Variants in EFCAB6 observed in about 807,000 individuals in gnomAD.
The protein encoded by EFCAB6 is EF-hand calcium-binding domain-containing protein 6.
A neutral mutation model predicts 169.8 loss-of-function variants in EFCAB6; 156 were observed. That is an observed-to-expected ratio of 0.92 (90% CI 0.81 to 1.05). The LOEUF (loss-of-function observed/expected upper bound fraction) is 1.05. Ranked by LOEUF, EFCAB6 falls within the 50% of genes least tolerant of loss-of-function variation. EFCAB6 has a pLI of 0.00. For synonymous variants in EFCAB6, 698 were observed against 676.4 expected, an observed-to-expected ratio of 1.03 and a Z score of -0.50; for missense variants, 1,800 against 1,829.1, an observed-to-expected ratio of 0.98 and a Z score of 0.29.
chr22:43,565,790 A>AT (rs2049385065), intron 26 of EFCAB6, among the ~76,000 whole-genome samples: 1 of 152,194 alleles, frequency 6.6e-6, no homozygotes, highest in South Asian at 2.1e-4. Context: ...TTCACACAGA[A>AT]TAAGAACTCA....
At chr22:43,638,042 C>A (rs186967251) in intron 17 of EFCAB6, among the ~76,000 whole-genome samples, 17 of 152,134 alleles carry the variant, frequency 1.1e-4, no homozygotes, top group Non-Finnish European at 1.5e-4. Context: ...GCCTGTCCAG[C>A]GGTCGCAGGA....
chr22:43,582,461 C>T (rs1371019033), intron 24 of EFCAB6, among the ~76,000 whole-genome samples: 2 of 152,082 alleles, frequency 1.3e-5, no homozygotes, highest in African/African-American at 4.8e-5. Flanking sequence ...AGAGTCTATG[C>T]TCAGACAAGC....
At chr22:43,553,191 CAA>C (rs1297342417) in intron 27 of EFCAB6, 2 of 152,154 alleles carry the variant, frequency 1.3e-5, no homozygotes, top group Non-Finnish European at 2.9e-5. Flanking sequence ...CAAAATGAGA[CAA>C]GAGGTTGTAA....
In EFCAB6 at chr22:43,576,302, C is replaced by G. The variant is rs1221580606; in HGVS notation, c.3415G>C (p.Glu1139Gln). Residue 1139 changes from glutamate to glutamine, a missense_variant, in exon 26 of 32, where the codon GAG becomes CAG. Physicochemically the swap from Glu to Gln is conservative, Grantham distance 29. Transcript: ENST00000262726. ...YFLQNFSCFL[E>Q]ETADEWAEKM... ...TGTGCTGCAGACATTCTTACCTCCT[C>G]AAGGAAACAGCTAAAGTTCTGGAGA... The G allele has an allele frequency of 6.3e-7, 1 of 1,581,574 alleles. No homozygotes were observed. The highest frequency in any genetic ancestry group is 1.2e-5 in the South Asian group (1 of 83,890).
chr22:43,584,297 G>A (rs2147341175), intron 24 of EFCAB6, among the ~76,000 whole-genome samples: 1 of 152,256 alleles, frequency 6.6e-6, no homozygotes. Context: ...TCACAGCTGG[G>A]GCCTGCTTTC....
At chr22:43,791,992 G>A (rs1346287972) in intron 2 of EFCAB6, among the ~76,000 whole-genome samples, 1 of 152,162 alleles carries the variant, frequency 6.6e-6, no homozygotes, top group Non-Finnish European at 1.5e-5. Context: ...GGGATCCCAT[G>A]GACAAGTAGC....
intron 20 of EFCAB6, among the ~76,000 whole-genome samples, chr22:43,621,209 C>T (rs1005833917): frequency 1.3e-5 from 2 of 151,986 alleles, no homozygotes; most frequent in Non-Finnish European, 2.9e-5. Flanking sequence ...CTGTCTCAGC[C>T]TCCTGAGTAG....
intron 11 of EFCAB6, among the ~76,000 whole-genome samples, chr22:43,685,324 G>A (rs1032706563): frequency 6.6e-6 from 1 of 152,036 alleles, no homozygotes; most frequent in African/African-American, 2.4e-5. Context: ...TAGTGTGTGG[G>A]TCTGTGGGGG....
Position 43,530,899 on chromosome 22 carries a change from C to T in EFCAB6, c.4299G>A (p.Val1433=). 1 of 1,614,130 alleles carries T rather than the reference C, an allele frequency of 6.2e-7. No individual in the cohort carries two copies. Among genetic ancestry groups the T allele is most frequent in the East Asian group, 2.2e-5 (1 of 44,900 alleles). Residue 1433 remains valine (V), a synonymous_variant, in exon 31 of 32, where the codon GTG becomes GTA. Transcript: ENST00000262726. The part of the protein sequence containing the change: ...SALLRIQPKI[V]HCWRPMRRTF... The stretch of plus-strand genomic sequence containing the variant: ...TGCGCCGCATTGGCCTCCAGCAGTG[C>T]ACAATTTTGGGCTGAATACGCAGCA...
intron 17 of EFCAB6, among the ~76,000 whole-genome samples, chr22:43,636,547 G>C (rs1439900919): frequency 2.0e-5 from 3 of 151,592 alleles, no homozygotes; most frequent in Non-Finnish European, 4.4e-5. Context: ...GGGAGTTTGG[G>C]TCACTTTTCT....
intron 5 of EFCAB6, among the ~76,000 whole-genome samples, chr22:43,758,279 T>C (rs1204468684): frequency 6.6e-6 from 1 of 152,224 alleles, no homozygotes; most frequent in Non-Finnish European, 1.5e-5. Context: ...GGGGTAGGTC[T>C]ATAAATTTGT....
chr22:43,647,341 A>G (rs958025402), intron 17 of EFCAB6, among the ~76,000 whole-genome samples: 1 of 152,216 alleles, frequency 6.6e-6, no homozygotes, highest in East Asian at 1.9e-4. Context: ...AACAAAACAA[A>G]AAGACATGAT....
At chr22:43,793,984 A>G (rs1299577399) in intron 2 of EFCAB6, among the ~76,000 whole-genome samples, 1 of 152,194 alleles carries the variant, frequency 6.6e-6, no homozygotes, top group Non-Finnish European at 1.5e-5. Flanking sequence ...GGTGGTTCTC[A>G]AAAGTGTGGT....
chr22:43,755,677 G>T, intron 6 of EFCAB6, 89 bp downstream of exon 6: 2 of 1,178,580 alleles, frequency 1.7e-6, no homozygotes, highest in Non-Finnish European at 2.4e-6. Context: ...GACAAGGTGT[G>T]GCTCATTTTC....
chr22:43,641,551 G>A (rs2055799333), intron 17 of EFCAB6, among the ~76,000 whole-genome samples: 1 of 151,280 alleles, frequency 6.6e-6, no homozygotes, highest in South Asian at 2.1e-4. Context: ...GGGAGGCAGA[G>A]GTTGCAGTGA....
At chr22:43,621,115 G>T (rs1311532864) in intron 20 of EFCAB6, among the ~76,000 whole-genome samples, 1 of 147,384 alleles carries the variant, frequency 6.8e-6, no homozygotes, top group East Asian at 2.0e-4. Flanking sequence ...TTGAGACAGA[G>T]TCTCACTCTG....
intron 17 of EFCAB6, among the ~76,000 whole-genome samples, chr22:43,656,496 G>A (rs1024679044): frequency 5.9e-5 from 9 of 152,102 alleles, no homozygotes; most frequent in Non-Finnish European, 1.2e-4. Flanking sequence ...GTTATGGACC[G>A]CATAATGGCA....
chr22:43,613,049 C>T (rs190879805), intron 21 of EFCAB6, among the ~76,000 whole-genome samples: 79 of 149,720 alleles, frequency 5.3e-4, no homozygotes, highest in African/African-American at 1.8e-3. Flanking sequence ...AACTACCATT[C>T]GACCCAGCAA....
chr22:43,688,699 T>C (rs137799), intron 10 of EFCAB6, among the ~76,000 whole-genome samples: 36,638 of 152,192 alleles, frequency 0.24, 4,565 homozygotes, highest in Middle Eastern at 0.27. Context: ...AAAGCCTCGG[T>C]TGCAGGCTGG....
Sources: allele counts gnomAD v4.1 joint callset (sites outside exome capture counted in the v4.1 genomes callset), GRCh38; gene constraint gnomAD v4.1.1; transcripts MANE v1.5; gene names NCBI Gene and HGNC (gene_info 2026-07-23, HGNC 2026-07-21).